PRKAA1: variants seen among roughly 807,000 people sequenced by gnomAD.
PRKAA1 encodes the protein protein kinase AMP-activated catalytic subunit alpha 1.
Under a neutral mutation model 56.9 loss-of-function variants are expected in PRKAA1, and 23 were observed. The observed-to-expected ratio is 0.40, with a 90% CI of 0.29 to 0.57. PRKAA1 has a LOEUF of 0.57. PRKAA1 is among the 20% of genes least tolerant of loss of function. The pLI, the probability that PRKAA1 is intolerant of heterozygous loss-of-function variation, is 0.39. For missense variants in PRKAA1, 413 were observed against 679.7 expected, an observed-to-expected ratio of 0.61 and a Z score of 4.36; for synonymous variants, 226 against 227.0, an observed-to-expected ratio of 1.00 and a Z score of 0.04.
intron 3 of PRKAA1, 141 bp downstream of exon 3, chr5:40,775,269 G>A: frequency 6.9e-6 from 5 of 723,096 alleles, no homozygotes; most frequent in Non-Finnish European, 2.4e-6. Flanking sequence ...GTTCTACATA[G>A]TTTATGATTC....
intron 1 of PRKAA1, among the ~76,000 whole-genome samples, chr5:40,796,503 G>C (rs577245425): frequency 6.6e-6 from 1 of 151,992 alleles, no homozygotes; most frequent in Non-Finnish European, 1.5e-5. Context: ...TTGCTAACAA[G>C]AAATATCATA....
At position 40,787,422 on chromosome 5, in the gene PRKAA1, G is replaced by A. The variant is rs372086387; in HGVS notation, c.128-9836C>T. ...GGAGGTTGGGGTGAGCCAAGATCAC[G>A]CCACTGCACTCCAGTCCCGGCAACA... On this transcript the variant is annotated intron_variant, in intron 1 of 8. Coordinates refer to ENST00000397128, the MANE Select transcript of PRKAA1 (RefSeq NM_006251.6). 2.0e-4 allele frequency among the ~76,000 whole-genome samples: 31 copies of A among 151,744 alleles called. No individual in the cohort carries two copies. In the Middle Eastern group the frequency reaches 0.01, roughly 50 times the overall value.
rs986909191 is a variant in PRKAA1 at position 40,760,395 on chromosome 5, G to C, written c.*2383C>G. On this transcript the variant is annotated 3_prime_UTR_variant, in exon 9 of 9. Transcript: ENST00000397128. ...TTTACAAAATTAACAATTTTTAAAAGGTCCTATTTAATTGGTTCCTCCTTT... is the reference window on the plus strand; with the variant it reads ...TTTACAAAATTAACAATTTTTAAAACGTCCTATTTAATTGGTTCCTCCTTT... The C allele has an allele frequency of 2.0e-5, 3 of 152,646 alleles. No individual in the cohort carries two copies. Among genetic ancestry groups the C allele is most frequent in the African/African-American group, 7.2e-5 (3 of 41,422 alleles). The allele number at this position is 152,646 out of a possible 1,614,324, so 9.5% of individuals were successfully genotyped here. A position where few individuals can be genotyped will look rare whatever the true frequency, so the allele number is the denominator to read the frequency against.
intron 3 of PRKAA1, among the ~76,000 whole-genome samples, chr5:40,773,503 T>A (rs1397829606): frequency 6.6e-6 from 1 of 152,050 alleles, no homozygotes; most frequent in Non-Finnish European, 1.5e-5. Flanking sequence ...CTCCAACTCT[T>A]GAAACATCAC....
chr5:40,766,262 A>ATC (rs1236391764), intron 6 of PRKAA1, among the ~76,000 whole-genome samples: 1 of 152,132 alleles, frequency 6.6e-6, no homozygotes, highest in Admixed American at 6.6e-5. Flanking sequence ...TCCACATATA[A>ATC]TCTTTCCTTC....
intron 1 of PRKAA1, among the ~76,000 whole-genome samples, chr5:40,778,909 T>C (rs1307351968): frequency 6.7e-6 from 1 of 149,302 alleles, no homozygotes; most frequent in Non-Finnish European, 1.5e-5. Context: ...GATCCTCCCA[T>C]CTCAGCCTCC....
chr5:40,773,819 T>A (rs1201469193), intron 3 of PRKAA1, among the ~76,000 whole-genome samples: 9 of 152,216 alleles, frequency 5.9e-5, no homozygotes. Flanking sequence ...TATTGGGGAA[T>A]AAGACCTATA....
At chr5:40,767,440 T>C (rs778423294) in intron 6 of PRKAA1, 26 bp downstream of exon 6, 3 of 1,565,454 alleles carry the variant, frequency 1.9e-6, no homozygotes, top group East Asian at 2.2e-5. Flanking sequence ...CTATCAGATC[T>C]GATAACTTCC....
At chr5:40,771,535 A>G (rs1347474809) in intron 4 of PRKAA1, among the ~76,000 whole-genome samples, 184 bp downstream of exon 4, 2 of 152,222 alleles carry the variant, frequency 1.3e-5, no homozygotes, top group Non-Finnish European at 2.9e-5. Flanking sequence ...ATTTAAAGCT[A>G]AGAAAAGATG....
At chr5:40,766,417 G>C (rs1743438411) in intron 6 of PRKAA1, among the ~76,000 whole-genome samples, 1 of 152,040 alleles carries the variant, frequency 6.6e-6, no homozygotes, top group Non-Finnish European at 1.5e-5. Context: ...AAGAAACAAG[G>C]CTTGCAATAA....
intron 6 of PRKAA1, among the ~76,000 whole-genome samples, chr5:40,765,542 G>A (rs4263541): frequency 2.6e-4 from 40 of 152,250 alleles, no homozygotes; most frequent in African/African-American, 9.1e-4. Context: ...AGCTTAGAAA[G>A]AGAACATATT....
chr5:40,786,951 T>C (rs1409152712), intron 1 of PRKAA1, among the ~76,000 whole-genome samples: 1 of 151,872 alleles, frequency 6.6e-6, no homozygotes, highest in Admixed American at 6.6e-5. Flanking sequence ...AAGTGAGACT[T>C]TGTCTCAAAC....
intron 1 of PRKAA1, 78 bp downstream of exon 1, chr5:40,797,985 G>T: frequency 3.2e-6 from 5 of 1,568,024 alleles, no homozygotes; most frequent in Non-Finnish European, 4.3e-6. Flanking sequence ...AGCGGGCGGG[G>T]GAGGATGAAG....
In PRKAA1 at chr5:40,777,456, A is replaced by G; in HGVS notation, c.258T>C (p.His86=). 6 of 1,612,260 alleles carry G rather than the reference A, an allele frequency of 3.7e-6. No individual in the cohort carries two copies. The highest frequency in any genetic ancestry group is 5.1e-6 in the Non-Finnish European group (6 of 1,178,588). The change falls in exon 2 of 9, where the codon CAT becomes CAC. Residue 86 remains histidine, a synonymous_variant. Coordinates refer to ENST00000397128, the MANE Select transcript of PRKAA1 (RefSeq NM_006251.6). ...TAAACAGAGCTTACAGTTTAATTAT[A>G]TGAGGATGCCTGAAAAGCTTGAGGT... ...IQNLKLFRHP[H]IIKLYQVIST...
chr5:40,791,740 A>C (rs1300614489), intron 1 of PRKAA1, among the ~76,000 whole-genome samples: 1 of 152,214 alleles, frequency 6.6e-6, no homozygotes, highest in Non-Finnish European at 1.5e-5. Context: ...GCAAACAAAC[A>C]TTTCAAGCAC....
intron 1 of PRKAA1, among the ~76,000 whole-genome samples, chr5:40,796,125 G>A (rs896209231): frequency 6.6e-6 from 1 of 152,048 alleles, no homozygotes; most frequent in African/African-American, 2.4e-5. Context: ...GAGACCAGCC[G>A]GGCCAACATG....
At chr5:40,783,348 AT>A (rs1320587169) in intron 1 of PRKAA1, among the ~76,000 whole-genome samples, 1 of 114,210 alleles carries the variant, frequency 8.8e-6, no homozygotes, top group African/African-American at 3.3e-5. Flanking sequence ...TGCATTTTAC[AT>A]TTTTTAGCTA....
chr5:40,787,302 C>A (rs1285903777), intron 1 of PRKAA1, among the ~76,000 whole-genome samples: 2 of 151,804 alleles, frequency 1.3e-5, no homozygotes, highest in Non-Finnish European at 2.9e-5. Context: ...CCCGTCTCTA[C>A]TAAAAATACA....
intron 8 of PRKAA1, among the ~76,000 whole-genome samples, chr5:40,763,934 T>C (rs1438160938): frequency 6.6e-6 from 1 of 151,964 alleles, no homozygotes; most frequent in African/African-American, 2.4e-5. Flanking sequence ...GGTGATACTA[T>C]ATATATATAT....
Sources: gnomAD v4.1 joint callset for allele counts (sites outside exome capture counted in the v4.1 genomes callset) on GRCh38, gnomAD v4.1.1 for gene constraint, MANE v1.5 for transcripts, NCBI Gene and HGNC (gene_info 2026-07-23, HGNC 2026-07-21) for gene names.